Variants in BNC2 observed in about 807,000 individuals in gnomAD.
The protein encoded by BNC2 is zinc finger protein basonuclin-2.
BNC2 carries 20 observed loss-of-function variants against 76.3 expected under a neutral mutation model. The ratio of observed to expected loss-of-function variants is 0.26; its 90% CI spans 0.18 to 0.38. The LOEUF is 0.38. BNC2 is among the 10% of genes least tolerant of loss of function. The pLI is 1.00. For missense variants in BNC2, 1,382 were observed against 1,399.8 expected (o/e 0.99, Z 0.20); for synonymous variants, 582 against 514.8 (o/e 1.13, Z -1.77).
At chr9:16,583,691 C>T (rs1402698716) in intron 3 of BNC2, among the ~76,000 whole-genome samples, 2 of 151,880 alleles carry the variant, frequency 1.3e-5, no homozygotes. Flanking sequence ...TATTTTCGTT[C>T]CTGTTTTGAA....
intron 3 of BNC2, among the ~76,000 whole-genome samples, chr9:16,639,846 C>T (rs1821438644): frequency 6.6e-6 from 1 of 152,002 alleles, no homozygotes; most frequent in Non-Finnish European, 1.5e-5. Context: ...TGCGTAAGCC[C>T]AGGAGTTCAA....
intron 1 of BNC2, among the ~76,000 whole-genome samples, chr9:16,802,672 T>C (rs16935079): frequency 0.023 from 3,490 of 152,220 alleles, 135 homozygotes; most frequent in African/African-American, 0.08. Flanking sequence ...TTCAAGCCCA[T>C]AGACAAGGAC....
At chr9:16,770,069 A>G (rs374053554) in intron 1 of BNC2, among the ~76,000 whole-genome samples, 36 of 152,184 alleles carry the variant, frequency 2.4e-4, no homozygotes, top group African/African-American at 8.0e-4. Context: ...CCCAGCAGTC[A>G]CCGCCAGAAA....
chr9:16,475,009 G>C (rs917622938), intron 5 of BNC2, among the ~76,000 whole-genome samples: 4 of 152,174 alleles, frequency 2.6e-5, no homozygotes, highest in Non-Finnish European at 5.9e-5. Context: ...TGCCATATGA[G>C]ATTGCAGCAA....
chr9:16,678,267 C>CTTTTTTT (rs140809930), intron 3 of BNC2, among the ~76,000 whole-genome samples: 897 of 80,800 alleles, frequency 0.011, 28 homozygotes, highest in Non-Finnish European at 0.013. Context: ...CTTTCTTTTT[C>CTTTTTTT]TTTTTTTTTT....
At chr9:16,601,834 C>T (rs961428540) in intron 3 of BNC2, among the ~76,000 whole-genome samples, 1 of 152,096 alleles carries the variant, frequency 6.6e-6, no homozygotes, top group Non-Finnish European at 1.5e-5. Context: ...TACAACTGGC[C>T]GTAACTGCAG....
At chr9:16,665,449 A>AGAAAGAAAGAAAGAAAGAAAGAAG (rs1822254712) in intron 3 of BNC2, among the ~76,000 whole-genome samples, 3 of 110,716 alleles carry the variant, frequency 2.7e-5, no homozygotes, top group Non-Finnish European at 5.4e-5. Context: ...AAAGAAAGAA[A>AGAAAGAAAGAAAGAAAGAAAGAAG]GAAAGAAAGA....
At chr9:16,457,299 G>C (rs998664471) in intron 5 of BNC2, among the ~76,000 whole-genome samples, 2 of 152,140 alleles carry the variant, frequency 1.3e-5, no homozygotes, top group Non-Finnish European at 2.9e-5. Flanking sequence ...ATGTAAGTTA[G>C]TTTTGGGGGG....
intron 5 of BNC2, among the ~76,000 whole-genome samples, chr9:16,509,794 T>C (rs1374551407): frequency 6.6e-6 from 1 of 152,194 alleles, no homozygotes; most frequent in Non-Finnish European, 1.5e-5. Flanking sequence ...AGTTATAAAG[T>C]CATTTAACTA....
intron 1 of BNC2, among the ~76,000 whole-genome samples, chr9:16,786,420 G>A (rs1426639678): frequency 1.3e-5 from 2 of 151,846 alleles, no homozygotes; most frequent in Non-Finnish European, 2.9e-5. Context: ...CAAAGACCCA[G>A]TACAGAAGAA....
intron 5 of BNC2, among the ~76,000 whole-genome samples, chr9:16,450,610 C>A (rs533179704): frequency 1.3e-5 from 2 of 152,214 alleles, no homozygotes; most frequent in African/African-American, 4.8e-5. Context: ...CGCCTTATGA[C>A]AGCCACAGGT....
intron 3 of BNC2, among the ~76,000 whole-genome samples, chr9:16,703,047 C>A (rs1382047532): frequency 6.6e-6 from 1 of 152,044 alleles, no homozygotes; most frequent in East Asian, 1.9e-4. Flanking sequence ...GGAGAAGATT[C>A]CTAAATCAGC....
rs187640727 is a variant in BNC2, at chr9:16,653,809, T to C, written c.331-70724A>G. Among the ~76,000 whole-genome samples the C allele has an allele frequency of 1.1e-3, 168 of 152,314 alleles. 1 individual carries two copies. Among genetic ancestry groups the C allele is most frequent in the East Asian group, 8.5e-3 (44 of 5,180 alleles). ...TTGGACTACGGCTGTGCCCTCAGTG[T>C]AAAACAACAAACATGCAGCGTCTGA... is the stretch of plus-strand genomic sequence containing the variant. On this transcript the variant is annotated intron_variant, in intron 3 of 6. Transcript: ENST00000380672.
intron 1 of BNC2, among the ~76,000 whole-genome samples, chr9:16,758,287 G>A (rs559725144): frequency 1.1e-4 from 16 of 152,160 alleles, no homozygotes; most frequent in South Asian, 2.1e-4. Flanking sequence ...GAAAATCCAG[G>A]AATATCTCCC....
intron 4 of BNC2, among the ~76,000 whole-genome samples, chr9:16,567,460 C>T (rs1340734942): frequency 6.6e-6 from 1 of 152,054 alleles, no homozygotes; most frequent in Non-Finnish European, 1.5e-5. Context: ...ACATGAAATG[C>T]GAATAACAAT....
intron 1 of BNC2, among the ~76,000 whole-genome samples, chr9:16,857,280 T>C (rs1276737732): frequency 1.3e-5 from 2 of 151,782 alleles, no homozygotes; most frequent in African/African-American, 4.8e-5. Flanking sequence ...GAGTTCGAGA[T>C]CAGCCTGTCC....
chr9:16,725,797 T>C (rs1440401606), intron 3 of BNC2, among the ~76,000 whole-genome samples: 1 of 152,200 alleles, frequency 6.6e-6, no homozygotes. Context: ...TATTTGTTTT[T>C]TAGTTAAAAT....
In BNC2 at chr9:16,418,736, C is replaced by T. The variant is rs1376057058; in HGVS notation, c.*253G>A. ...TGTGTTTAAAGGGGTACTCTGTTTTCACCCTGAAATCAAAGATCCCACTCC... is the reference window on the plus strand; with the variant it reads ...TGTGTTTAAAGGGGTACTCTGTTTTTACCCTGAAATCAAAGATCCCACTCC... On this transcript the variant is annotated 3_prime_UTR_variant, in exon 7 of 7. Coordinates refer to ENST00000380672, the MANE Select transcript of BNC2 (RefSeq NM_017637.6). The T allele has an allele frequency of 4.1e-6, 2 of 488,798 alleles. No individual in the cohort carries two copies. The highest frequency in any genetic ancestry group is 3.3e-5 in the Admixed American group (1 of 30,016). The allele number at this position is 488,798 out of a possible 1,614,324, so 30.3% of individuals were successfully genotyped here.
intron 1 of BNC2, among the ~76,000 whole-genome samples, chr9:16,822,097 A>G (rs1818350758): frequency 6.7e-6 from 1 of 150,106 alleles, no homozygotes; most frequent in Non-Finnish European, 1.5e-5. Flanking sequence ...CATCTCAAAA[A>G]AAAAAAAAAA....
Sources: allele counts gnomAD v4.1 joint callset (sites outside exome capture counted in the v4.1 genomes callset), GRCh38; gene constraint gnomAD v4.1.1; transcripts MANE v1.5; gene names NCBI Gene and HGNC (gene_info 2026-07-23, HGNC 2026-07-21).